PIGS: variants seen among roughly 807,000 people sequenced by gnomAD.
The protein encoded by PIGS is GPI-anchor transamidase component PIGS.
Under a neutral mutation model 58.2 loss-of-function variants are expected in PIGS, and 37 were observed. That is an observed-to-expected ratio of 0.64 (90% CI 0.49 to 0.84). The LOEUF is 0.84. Ranked by LOEUF, PIGS falls within the 40% of genes least tolerant of loss-of-function variation. The probability of loss-of-function intolerance (pLI) is 0.00; values close to 1 mark genes in which losing one functional copy is unlikely to be tolerated. For missense variants in PIGS, 629 were observed against 710.8 expected, an observed-to-expected ratio of 0.88 and a Z score of 1.31; for synonymous variants, 269 against 289.2, an observed-to-expected ratio of 0.93 and a Z score of 0.71.
intron 5 of PIGS, 105 bp downstream of exon 5, chr17:28,563,326 T>C: frequency 1.9e-6 from 2 of 1,034,894 alleles, no homozygotes; most frequent in South Asian, 1.4e-5. Context: ...GAGAGTTTTC[T>C]GTAGCAAATG....
At chr17:28,559,129 G>A (rs1218241301) in intron 7 of PIGS, among the ~76,000 whole-genome samples, 4 of 151,798 alleles carry the variant, frequency 2.6e-5, no homozygotes, top group Non-Finnish European at 4.4e-5. Context: ...AAAGGTACGC[G>A]CCACCATGCC....
At position 28,558,505 on chromosome 17, in the gene PIGS, T is replaced by C; in HGVS notation, c.905A>G (p.His302Arg). The C allele has an allele frequency of 6.2e-7, 1 of 1,612,848 alleles. No individual in the cohort carries two copies. Among genetic ancestry groups the C allele is most frequent in the Non-Finnish European group, 8.5e-7 (1 of 1,179,628 alleles). The change falls in exon 8 of 12, where the codon CAT becomes CGT. Residue 302 changes from histidine (H) to arginine (R), a missense_variant. Coordinates refer to ENST00000308360, the MANE Select transcript of PIGS (RefSeq NM_033198.4). ...CCGGGACTCCACTGGGTTGATGACA[T>C]GGGGGAGGCTGTGCATGTCCAAATA... ...SYYLDMHSLP[H>R]VINPVESRLG...
rs1328976358 is a variant in PIGS at position 28,571,054 on chromosome 17, G to A, written c.169C>T (p.Leu57Phe). 6.2e-7 allele frequency: 1 copy of A among 1,614,162 alleles called. No individual in the cohort carries two copies. Among genetic ancestry groups the A allele is most frequent in the Admixed American group, 1.7e-5 (1 of 60,030 alleles). ...PYSQISGLNA[L>F]QLRLMVPVTV... is the part of the protein sequence containing the mutation. ...CTCCCGCACAGCAGTCTCACCTGAAGGGCATTCAGGCCACTGATCTGGGAG... is the reference window on the plus strand; with the variant it reads ...CTCCCGCACAGCAGTCTCACCTGAAAGGCATTCAGGCCACTGATCTGGGAG... Residue 57 changes from leucine (L) to phenylalanine (F), a missense_variant, in exon 2 of 12, where the codon CTT (leucine) becomes TTT (phenylalanine). Transcript: ENST00000308360.
intron 11 of PIGS, 92 bp from the exon 12 acceptor site, chr17:28,554,587 G>T: frequency 7.0e-7 from 1 of 1,438,796 alleles, no homozygotes; most frequent in Non-Finnish European, 9.5e-7. Context: ...CATCTACCAA[G>T]GAAGATGCCT....
chr17:28,566,176 TGAGCTATGATTG>T (rs1212383619), intron 3 of PIGS, among the ~76,000 whole-genome samples: 6 of 143,400 alleles, frequency 4.2e-5, no homozygotes, highest in Non-Finnish European at 9.0e-5. Context: ...AAGGTTACAG[TGAGCTATGATTG>T]GGCCACTGCA....
At position 28,553,904 on chromosome 17, in the gene PIGS, G is replaced by C. The variant is rs1029284203; in HGVS notation, c.*316C>G. The C allele has an allele frequency of 1.0e-5, 4 of 381,624 alleles. No homozygotes were observed. The East Asian group carries it at 2.4e-4, about 23-fold the overall frequency. The allele number at this position is 381,624 out of a possible 1,614,324, so 23.6% of individuals were successfully genotyped here. ...TCTCAGTGCACAAGTGTGCTATGTT[G>C]AGAAATGGGGCAAAAGAACAAACAG... is the stretch of plus-strand genomic sequence containing the variant. On this transcript the variant is annotated 3_prime_UTR_variant, in exon 12 of 12. Transcript: ENST00000308360.
chr17:28,558,490 A>T lies in PIGS; in HGVS notation c.920T>A (p.Val307Glu). 1.2e-6 allele frequency: 2 copies of T among 1,611,902 alleles called. No individual in the cohort carries two copies. The highest frequency in any genetic ancestry group is 1.7e-6 in the Non-Finnish European group (2 of 1,178,806). The change falls in exon 8 of 12, where the codon GTG becomes GAG. Residue 307 changes from valine (V) to glutamate (E), a missense_variant. Physicochemically the swap from Val to Glu is moderately radical, Grantham distance 121. Transcript: ENST00000308360. ...TAGGTGCTCACCCAGCCGGGACTCC[A>T]CTGGGTTGATGACATGGGGGAGGCT... Reference protein sequence around the residue: ...MHSLPHVINPVESRLGSSAAS... With the variant: ...MHSLPHVINPEESRLGSSAAS...
chr17:28,569,734 C>G (rs903696909), intron 3 of PIGS, among the ~76,000 whole-genome samples: 1 of 152,130 alleles, frequency 6.6e-6, no homozygotes, highest in Non-Finnish European at 1.5e-5. Context: ...GATTTAAATC[C>G]CAGTTCCATC....
chr17:28,567,670 AC>A (rs1468801089), intron 3 of PIGS, among the ~76,000 whole-genome samples: 1 of 152,158 alleles, frequency 6.6e-6, no homozygotes, highest in Non-Finnish European at 1.5e-5. Flanking sequence ...GAAACAAAAA[AC>A]CTTCAATGGC....
At chr17:28,555,968 C>CA (rs903600475) in intron 10 of PIGS, 198 bp downstream of exon 10, 16,743 of 443,612 alleles carry the variant, frequency 0.038, 1 homozygote, top group South Asian at 0.05. Context: ...GACTCCGTCT[C>CA]AAAAAAAAAA....
At chr17:28,566,151 T>C (rs975555683) in intron 3 of PIGS, among the ~76,000 whole-genome samples, 3 of 150,100 alleles carry the variant, frequency 2.0e-5, no homozygotes, top group African/African-American at 7.4e-5. Flanking sequence ...GAGGACCACT[T>C]GAACCCAGGA....
rs113557972 is a variant in PIGS, at chr17:28,563,006, C to A, written c.468+425G>T. On this transcript the variant is annotated intron_variant, in intron 5 of 11. Transcript: ENST00000308360. ...TGAGCCACCAGACCCAGCCAGCATTCTTTATTAAAAATATGTGGAGGACGG... is the reference window on the plus strand; with the variant it reads ...TGAGCCACCAGACCCAGCCAGCATTATTTATTAAAAATATGTGGAGGACGG... Among the ~76,000 whole-genome samples, 161 of 152,212 alleles carry A rather than the reference C, an allele frequency of 1.1e-3. 1 individual carries two copies. The highest frequency in any genetic ancestry group is 3.2e-3 in the African/African-American group (134 of 41,574).
intron 7 of PIGS, among the ~76,000 whole-genome samples, chr17:28,559,544 T>C (rs2070350032): frequency 6.6e-6 from 1 of 150,762 alleles, no homozygotes; most frequent in African/African-American, 2.4e-5. Flanking sequence ...TCTACTAAAA[T>C]ACAAAAATCA....
intron 11 of PIGS, 25 bp from the exon 12 acceptor site, chr17:28,554,520 G>C (rs762974226): frequency 6.2e-7 from 1 of 1,608,114 alleles, no homozygotes; most frequent in African/African-American, 1.3e-5. Flanking sequence ...GGACAAGAGG[G>C]TATACCAGTA....
intron 5 of PIGS, among the ~76,000 whole-genome samples, chr17:28,562,804 C>T (rs2070371583): frequency 6.6e-6 from 1 of 151,936 alleles, no homozygotes; most frequent in Non-Finnish European, 1.5e-5. Flanking sequence ...CTCCACCTCC[C>T]AGGCTCAAGC....
Position 28,556,186 on chromosome 17 carries a change from C to T in PIGS, c.1161G>A (p.Glu387=). The change falls in exon 10 of 12, where the codon GAG becomes GAA. Residue 387 remains glutamate (E), a synonymous_variant. Transcript: ENST00000308360. The part of the protein sequence containing the change: ...RVEVDMVRVM[E]VFLAQLRLLF... ...CTCACCGCAACTGTGCCAGGAACAC[C>T]TCCATCACTCGCACCATGTCCACCT... The T allele has an allele frequency of 6.2e-7, 1 of 1,613,772 alleles. No homozygotes were observed. Among genetic ancestry groups the T allele is most frequent in the Non-Finnish European group, 8.5e-7 (1 of 1,179,708 alleles).
At chr17:28,571,249 C>T in intron 1 of PIGS, 61 bp from the exon 2 acceptor site, 1 of 1,574,308 alleles carries the variant, frequency 6.4e-7, no homozygotes. Flanking sequence ...GCCCCATCCC[C>T]GACGCGGAGA....
intron 6 of PIGS, 128 bp from the exon 7 acceptor site, chr17:28,560,319 A>T: frequency 8.4e-7 from 1 of 1,185,774 alleles, no homozygotes; most frequent in South Asian, 1.5e-5. Context: ...TGGAACCAAA[A>T]GGAGGACAAA....
chr17:28,560,650 C>G (rs561227735), intron 6 of PIGS, among the ~76,000 whole-genome samples: 1 of 151,928 alleles, frequency 6.6e-6, no homozygotes. Context: ...TGGTGGTGGG[C>G]GCCTGTAATC....
Sources: gnomAD v4.1 joint callset for allele counts (sites outside exome capture counted in the v4.1 genomes callset) on GRCh38, gnomAD v4.1.1 for gene constraint, MANE v1.5 for transcripts, NCBI Gene and HGNC (gene_info 2026-07-23, HGNC 2026-07-21) for gene names.